WDPCP: variants seen among roughly 807,000 people sequenced by gnomAD.
WDPCP encodes the protein WD repeat containing planar cell polarity effector, also known as WD repeat-containing and planar cell polarity effector protein fritz homolog.
A neutral mutation model predicts 93.1 loss-of-function variants in WDPCP; 71 were observed. The ratio of observed to expected loss-of-function variants is 0.76; its 90% CI spans 0.63 to 0.93. WDPCP has a LOEUF of 0.93. WDPCP is among the 40% of genes least tolerant of loss of function. The pLI is 0.00. For missense variants in WDPCP, 844 were observed against 887.4 expected, an observed-to-expected ratio of 0.95 and a Z score of 0.62; for synonymous variants, 315 against 315.0, an observed-to-expected ratio of 1.00 and a Z score of 0.00.
At chr2:63,149,604 A>C (rs892060014) in intron 17 of WDPCP, among the ~76,000 whole-genome samples, 3 of 152,250 alleles carry the variant, frequency 2.0e-5, no homozygotes, top group Non-Finnish European at 4.4e-5. Flanking sequence ...GAATAAACTG[A>C]GTAGTGGATG....
At chr2:63,722,609 T>TG (rs1292362297) in intron 2 of WDPCP, among the ~76,000 whole-genome samples, 4 of 58,530 alleles carry the variant, frequency 6.8e-5, no homozygotes, top group Admixed American at 1.7e-4. Context: ...GGGAGGGAGG[T>TG]GGGGGGGTCA....
At chr2:63,664,730 AAGAAG>A in intron 2 of WDPCP, among the ~76,000 whole-genome samples, 1 of 152,258 alleles carries the variant, frequency 6.6e-6, no homozygotes, top group East Asian at 1.9e-4. Context: ...ATGTGAAAAT[AAGAAG>A]AGAAGATAAT....
intron 14 of WDPCP, among the ~76,000 whole-genome samples, chr2:63,199,414 C>A (rs1675713706): frequency 6.6e-6 from 1 of 152,210 alleles, no homozygotes; most frequent in South Asian, 2.1e-4. Flanking sequence ...GTTTTGTGGG[C>A]AAGGCCCGGG....
chr2:63,742,648 A>C (rs183544529), intron 2 of WDPCP, among the ~76,000 whole-genome samples: 1 of 149,634 alleles, frequency 6.7e-6, no homozygotes, highest in African/African-American at 2.5e-5. Flanking sequence ...GTAGATTATC[A>C]ACCCAAAACT....
At chr2:63,200,509 A>G (rs1675820845) in intron 14 of WDPCP, among the ~76,000 whole-genome samples, 1 of 152,232 alleles carries the variant, frequency 6.6e-6, no homozygotes, top group Non-Finnish European at 1.5e-5. Context: ...CTATTCAGCC[A>G]TAAAAAAGAA....
At chr2:63,531,003 T>C (rs1703790692) in intron 1 of WDPCP, among the ~76,000 whole-genome samples, 1 of 152,202 alleles carries the variant, frequency 6.6e-6, no homozygotes, top group South Asian at 2.1e-4. Flanking sequence ...ACTGTGCTTT[T>C]CCAATGGTCT....
chr2:63,225,150 A>G (rs1399728169), intron 14 of WDPCP, among the ~76,000 whole-genome samples: 1 of 151,986 alleles, frequency 6.6e-6, no homozygotes, highest in Non-Finnish European at 1.5e-5. Context: ...TCTGCAGTAC[A>G]TACATTTAAC....
chr2:63,782,024 C>G (rs977477385), intron 2 of WDPCP, among the ~76,000 whole-genome samples: 17 of 152,122 alleles, frequency 1.1e-4, no homozygotes, highest in African/African-American at 4.1e-4. Flanking sequence ...CTTTCCTTCC[C>G]CTCTTTTCAG....
chr2:63,389,298 T>G (rs1693013663), intron 10 of WDPCP, among the ~76,000 whole-genome samples: 2 of 152,196 alleles, frequency 1.3e-5, no homozygotes, highest in African/African-American at 4.8e-5. Flanking sequence ...CCAGCCAAAC[T>G]AAGCTTCATA....
chr2:63,568,643 T>C (rs547685342), intron 1 of WDPCP, among the ~76,000 whole-genome samples: 6 of 152,296 alleles, frequency 3.9e-5, no homozygotes, highest in South Asian at 4.2e-4. Flanking sequence ...CCAGTTTCCA[T>C]TGGCTGGAAT....
chr2:63,153,456 G>A (rs767093083), intron 16 of WDPCP, 39 bp downstream of exon 16: 23 of 1,502,584 alleles, frequency 1.5e-5, no homozygotes, highest in Admixed American at 5.1e-5. Flanking sequence ...TAGTTTTTCT[G>A]TTATACTTTG....
At chr2:63,555,039 G>T (rs944312219) in intron 1 of WDPCP, among the ~76,000 whole-genome samples, 31 of 152,274 alleles carry the variant, frequency 2.0e-4, no homozygotes. Context: ...AACGCACAGA[G>T]ATGTGCAGAT....
At chr2:63,391,959 C>A (rs1465980486) in intron 10 of WDPCP, among the ~76,000 whole-genome samples, 2 of 152,116 alleles carry the variant, frequency 1.3e-5, no homozygotes, top group Non-Finnish European at 2.9e-5. Context: ...GGCCATACTG[C>A]CCAAGGTAAT....
chr2:63,753,207 G>A (rs952727146), intron 2 of WDPCP, among the ~76,000 whole-genome samples: 3 of 151,968 alleles, frequency 2.0e-5, no homozygotes, highest in East Asian at 1.9e-4. Context: ...CGAGGCGGGC[G>A]GGTCACCAAG....
At chr2:63,179,410 A>T (rs2104066737) in intron 14 of WDPCP, among the ~76,000 whole-genome samples, 1 of 152,010 alleles carries the variant, frequency 6.6e-6, no homozygotes, top group South Asian at 2.1e-4. Flanking sequence ...GTTTAGCACC[A>T]TCCCCTTGGT....
At chr2:63,675,967 A>G (rs1156565077) in intron 2 of WDPCP, among the ~76,000 whole-genome samples, 1 of 152,202 alleles carries the variant, frequency 6.6e-6, no homozygotes, top group African/African-American at 2.4e-5. Context: ...ATTCTTCCTC[A>G]TAGTTTACGA....
At chr2:63,533,017 C>A (rs535780347) in intron 1 of WDPCP, among the ~76,000 whole-genome samples, 3 of 152,086 alleles carry the variant, frequency 2.0e-5, no homozygotes, top group African/African-American at 7.2e-5. Context: ...GGAGGAAGAT[C>A]TACCAAACAA....
chr2:63,537,683 C>T (rs1163192888), intron 1 of WDPCP, among the ~76,000 whole-genome samples: 3 of 152,190 alleles, frequency 2.0e-5, no homozygotes, highest in Non-Finnish European at 4.4e-5. Flanking sequence ...ACACGCTAGG[C>T]CTCAGATTAG....
chr2:63,466,117 G>A (rs1699332172), intron 6 of WDPCP, among the ~76,000 whole-genome samples: 1 of 151,776 alleles, frequency 6.6e-6, no homozygotes, highest in Non-Finnish European at 1.5e-5. Context: ...TGCTTAGTGG[G>A]GCCTCACAAT....
Sources: allele counts gnomAD v4.1 joint callset (sites outside exome capture counted in the v4.1 genomes callset), GRCh38; gene constraint gnomAD v4.1.1; transcripts MANE v1.5; gene names NCBI Gene and HGNC (gene_info 2026-07-23, HGNC 2026-07-21).